SND1: variants seen among roughly 807,000 people sequenced by gnomAD.
The protein encoded by SND1 is staphylococcal nuclease domain-containing protein 1.
Under a neutral mutation model 121.7 loss-of-function variants are expected in SND1, and 38 were observed. The observed-to-expected ratio is 0.31, with a 90% confidence interval of 0.24 to 0.41. The LOEUF (loss-of-function observed/expected upper bound fraction) is 0.41, where lower values mean the gene tolerates loss of function less well. SND1 is among the 10% of genes least tolerant of loss of function. The probability of loss-of-function intolerance (pLI) is 1.00; values close to 1 mark genes in which losing one functional copy is unlikely to be tolerated. For missense variants in SND1, 868 were observed against 1,184.6 expected (o/e 0.73, Z 3.92); for synonymous variants, 401 against 447.4 (o/e 0.90, Z 1.31).
At chr7:127,891,649 C>T (rs141949612) in intron 13 of SND1, among the ~76,000 whole-genome samples, 330 of 152,170 alleles carry the variant, frequency 2.2e-3, no homozygotes, top group African/African-American at 6.5e-3. Context: ...GCTTCGTGTC[C>T]TCTGCAGATC....
chr7:127,984,742 G>A (rs763170714), intron 15 of SND1, among the ~76,000 whole-genome samples: 10 of 152,152 alleles, frequency 6.6e-5, no homozygotes, highest in Non-Finnish European at 1.5e-4. Flanking sequence ...CTCACAGATT[G>A]GCTTACAGTG....
At chr7:127,718,422 T>C (rs1796426509) in intron 9 of SND1, 2 of 228,814 alleles carry the variant, frequency 8.7e-6, no homozygotes, top group Non-Finnish European at 1.4e-5. Context: ...CTGCTTGTTC[T>C]CTGGACAGTA....
intron 9 of SND1, among the ~76,000 whole-genome samples, chr7:127,721,030 G>A (rs1796486813): frequency 6.6e-6 from 1 of 151,806 alleles, no homozygotes; most frequent in Non-Finnish European, 1.5e-5. Flanking sequence ...TCTTTGTCAG[G>A]GCAAAAATAA....
chr7:127,856,310 C>G (rs938740587), intron 12 of SND1, among the ~76,000 whole-genome samples: 4 of 152,130 alleles, frequency 2.6e-5, no homozygotes, highest in African/African-American at 9.7e-5. Context: ...ACCTGTTTAT[C>G]TGAGGTGATG....
At chr7:128,047,901 G>A (rs1394153617) in intron 16 of SND1, among the ~76,000 whole-genome samples, 2 of 151,828 alleles carry the variant, frequency 1.3e-5, no homozygotes, top group Non-Finnish European at 2.9e-5. Context: ...AGGCTAGAGT[G>A]CAATGGTGTG....
chr7:127,996,723 C>T (rs189685048), intron 16 of SND1, among the ~76,000 whole-genome samples: 7 of 152,288 alleles, frequency 4.6e-5, no homozygotes, highest in African/African-American at 1.2e-4. Flanking sequence ...GCAGGCTGTC[C>T]GGCAATGTTT....
At chr7:127,879,202 T>C (rs1799746597) in intron 12 of SND1, among the ~76,000 whole-genome samples, 1 of 152,172 alleles carries the variant, frequency 6.6e-6, no homozygotes, top group South Asian at 2.1e-4. Context: ...ATTTTTGCCC[T>C]TACCCTTTAG....
At chr7:127,855,192 C>G (rs967745588) in intron 12 of SND1, among the ~76,000 whole-genome samples, 2 of 152,056 alleles carry the variant, frequency 1.3e-5, no homozygotes, top group South Asian at 4.2e-4. Flanking sequence ...AATCATGGCT[C>G]ACTGCAGCCT....
intron 14 of SND1, among the ~76,000 whole-genome samples, chr7:127,924,843 T>G (rs1473272034): frequency 4.6e-5 from 7 of 152,216 alleles, no homozygotes; most frequent in African/African-American, 1.4e-4. Flanking sequence ...GGATATCTTA[T>G]AGCCATAGAT....
At chr7:127,823,972 C>G (rs1303821419) in intron 11 of SND1, among the ~76,000 whole-genome samples, 1 of 152,122 alleles carries the variant, frequency 6.6e-6, no homozygotes, top group Non-Finnish European at 1.5e-5. Context: ...TTACTCATAT[C>G]ATAGTCAACA....
At chr7:128,081,111 C>T (rs565309396) in intron 17 of SND1, among the ~76,000 whole-genome samples, 16 of 152,142 alleles carry the variant, frequency 1.1e-4, no homozygotes, top group Non-Finnish European at 2.2e-4. Flanking sequence ...ATTCTCCTGC[C>T]TCAGCCTCCC....
intron 12 of SND1, among the ~76,000 whole-genome samples, chr7:127,865,465 A>G (rs1280024796): frequency 6.6e-6 from 1 of 152,212 alleles, no homozygotes; most frequent in African/African-American, 2.4e-5. Flanking sequence ...CAGGAACTGG[A>G]TGTGTTCTTT....
intron 14 of SND1, among the ~76,000 whole-genome samples, chr7:127,905,353 C>T (rs993025721): frequency 3.3e-5 from 5 of 152,266 alleles, no homozygotes; most frequent in Non-Finnish European, 4.4e-5. Flanking sequence ...TATTTTAGAG[C>T]TCCCAATAGG....
intron 9 of SND1, among the ~76,000 whole-genome samples, chr7:127,719,709 TCTTTCTTAGAA>T (rs1298915768): frequency 6.6e-6 from 1 of 152,222 alleles, no homozygotes; most frequent in African/African-American, 2.4e-5. Flanking sequence ...TCTACTCAGT[TCTTTCTTAGAA>T]CTTTCATTAC....
At chr7:128,066,060 T>C (rs1388982521) in intron 16 of SND1, among the ~76,000 whole-genome samples, 1 of 152,212 alleles carries the variant, frequency 6.6e-6, no homozygotes, top group Non-Finnish European at 1.5e-5. Context: ...GTTTGTAAAC[T>C]GTGTTAGCGC....
At chr7:127,895,292 G>C (rs1332087880) in intron 13 of SND1, among the ~76,000 whole-genome samples, 1 of 152,068 alleles carries the variant, frequency 6.6e-6, no homozygotes, top group Non-Finnish European at 1.5e-5. Context: ...TTTAATGGTA[G>C]ATTCCTGTAA....
At chr7:127,827,454 C>G (rs1191737091) in intron 11 of SND1, among the ~76,000 whole-genome samples, 1 of 152,088 alleles carries the variant, frequency 6.6e-6, no homozygotes, top group East Asian at 1.9e-4. Flanking sequence ...TCAAAATACC[C>G]CTTTTCATAA....
intron 16 of SND1, among the ~76,000 whole-genome samples, chr7:128,012,451 A>G (rs760426837): frequency 6.6e-6 from 1 of 152,214 alleles, no homozygotes; most frequent in Non-Finnish European, 1.5e-5. Flanking sequence ...ACATGCCACA[A>G]GAAAGCCCCA....
intron 10 of SND1, among the ~76,000 whole-genome samples, chr7:127,737,100 T>C (rs1796790889): frequency 6.6e-6 from 1 of 152,236 alleles, no homozygotes; most frequent in Non-Finnish European, 1.5e-5. Context: ...AGAGCATAAG[T>C]GACCAGTAGA....
Sources: allele counts gnomAD v4.1 joint callset (sites outside exome capture counted in the v4.1 genomes callset), GRCh38; gene constraint gnomAD v4.1.1; transcripts MANE v1.5; gene names NCBI Gene and HGNC (gene_info 2026-07-23, HGNC 2026-07-21).